Variants in SUPT20H observed in about 807,000 individuals in gnomAD.
The protein encoded by SUPT20H is SPT20 homolog, SAGA complex component.
A neutral mutation model predicts 122.8 loss-of-function variants in SUPT20H; 82 were observed. The observed-to-expected ratio is 0.67, with a 90% confidence interval of 0.56 to 0.80. The LOEUF is 0.80. Among genes scored for constraint, SUPT20H ranks in the 30% least tolerant of loss-of-function variants. The probability of loss-of-function intolerance (pLI) is 0.00; values close to 1 mark genes in which losing one functional copy is unlikely to be tolerated. For synonymous variants in SUPT20H, 291 were observed against 313.0 expected, an observed-to-expected ratio of 0.93 and a Z score of 0.74; for missense variants, 831 against 921.6, an observed-to-expected ratio of 0.90 and a Z score of 1.27.
chr13:37,011,893 AACTATTGGCAAAC>A lies in SUPT20H; in HGVS notation c.2098+286_2098+298del, dbSNP rs552857899. Among the ~76,000 whole-genome samples, 10 of 152,312 alleles carry A rather than the reference AACTATTGGCAAAC, an allele frequency of 6.6e-5. No homozygotes were observed. In the South Asian group the frequency reaches 2.1e-3, roughly 32 times the overall value. ...AAACAAAAAAGTTATTAATTAAGAT[AACTATTGGCAAAC>A]ACTGAAAACAGCTCTGGTAACCTAG... On this transcript the variant is annotated intron_variant, in intron 24 of 25. Transcript: ENST00000350612.
rs979543077 is a variant in SUPT20H at position 37,027,880 on chromosome 13, T to A, written c.1151+268A>T. Reference sequence around the variant, plus strand: ...TAAAGTCCTAAGTGCCATAAACATATAAAGAAGGATATCACAGGAATAGCC... The same window carrying A: ...TAAAGTCCTAAGTGCCATAAACATAAAAAGAAGGATATCACAGGAATAGCC... On this transcript the variant is annotated intron_variant, in intron 14 of 25. Transcript: ENST00000350612. 3.3e-5 allele frequency among the ~76,000 whole-genome samples: 5 copies of A among 152,150 alleles called. No homozygotes were observed. In the South Asian group the frequency reaches 8.3e-4, roughly 25 times the overall value.
chr13:37,046,832 A>G (rs147390156), intron 5 of SUPT20H: 6 of 152,326 alleles, frequency 3.9e-5, no homozygotes, highest in African/African-American at 9.6e-5. Context: ...AGATTTACTT[A>G]TAAGTTTAAA....
chr13:37,024,401 C>T lies in SUPT20H; in HGVS notation c.1371G>A (p.Lys457=). The change falls in exon 18 of 26, where the codon AAG becomes AAA. Residue 457 remains lysine, a synonymous_variant. Coordinates refer to ENST00000350612, the MANE Select transcript of SUPT20H (RefSeq NM_001014286.3). Reference sequence around the variant, plus strand: ...TTGGTGGGGGTCGATGTTTTACACCCTTCCCCAATACCGAAGACTGAACTG... The same window carrying T: ...TTGGTGGGGGTCGATGTTTTACACCTTTCCCCAATACCGAAGACTGAACTG... ...TVSVQSSVLG[K]GVKHRPPPIK... 6.3e-7 allele frequency: 1 copy of T among 1,590,460 alleles called. No individual in the cohort carries two copies. Among genetic ancestry groups the T allele is most frequent in the Non-Finnish European group, 8.5e-7 (1 of 1,171,080 alleles).
chr13:37,015,616 A>G (rs565292508), intron 23 of SUPT20H, among the ~76,000 whole-genome samples: 2 of 152,328 alleles, frequency 1.3e-5, no homozygotes, highest in African/African-American at 4.8e-5. Context: ...CACTATGGAA[A>G]ACAGTATGAT....
intron 9 of SUPT20H, 33 bp downstream of exon 9, chr13:37,040,372 G>T: frequency 3.9e-6 from 6 of 1,523,452 alleles, no homozygotes; most frequent in East Asian, 2.3e-5. Flanking sequence ...CCTATATTTT[G>T]CCTGTTTGAG....
At chr13:37,020,464 G>A (rs2061321856) in intron 21 of SUPT20H, among the ~76,000 whole-genome samples, 1 of 152,110 alleles carries the variant, frequency 6.6e-6, no homozygotes, top group South Asian at 2.1e-4. Context: ...CTGAACTGAG[G>A]ATAAGGGGGA....
intron 6 of SUPT20H, 142 bp downstream of exon 6, chr13:37,045,105 T>A (rs1178535870): frequency 1.0e-6 from 1 of 1,004,482 alleles, no homozygotes; most frequent in African/African-American, 1.7e-5. Context: ...GGAAGAAAAC[T>A]GGGATCAAAA....
Position 37,018,383 on chromosome 13 carries a change from T to C in SUPT20H, c.1872+959A>G, listed in dbSNP as rs137957725. The stretch of plus-strand genomic sequence containing the variant: ...TTTGTGGGCTTGCCCATATTATAAG[T>C]ATATTGTTCTGCAATTAGTCTGTAA... On this transcript the variant is annotated intron_variant, in intron 22 of 25. Coordinates refer to ENST00000350612, the MANE Select transcript of SUPT20H (RefSeq NM_001014286.3). Among the ~76,000 whole-genome samples, 407 of 152,348 alleles carry C rather than the reference T, an allele frequency of 2.7e-3. 2 individuals are homozygous for C. The highest frequency in any genetic ancestry group is 5.0e-3 in the Admixed American group (77 of 15,298).
chr13:37,015,496 A>G (rs2139196743), intron 23 of SUPT20H, among the ~76,000 whole-genome samples: 1 of 152,144 alleles, frequency 6.6e-6, no homozygotes, highest in South Asian at 2.1e-4. Flanking sequence ...AAAAAAAAAA[A>G]AATTCCCTAA....
In SUPT20H at chr13:37,019,360, C is replaced by A; in HGVS notation, c.1854G>T (p.Arg618Ser). The change falls in exon 22 of 26, where the codon AGG becomes AGT. Residue 618 changes from arginine to serine, a missense_variant. Transcript: ENST00000350612. ...PFGLKNTSSL[R>S]PLNLLQLPGG... ...GGTTTACCTGGAGTAGATTTAAGGG[C>A]CTGAGACTTGAAGTATTTTTTAAAC... 1 of 1,602,624 alleles carries A rather than the reference C, an allele frequency of 6.2e-7. No individual in the cohort carries two copies. Among genetic ancestry groups the A allele is most frequent in the Non-Finnish European group, 8.5e-7 (1 of 1,175,542 alleles).
chr13:37,043,821 A>G (rs933751466), intron 7 of SUPT20H, among the ~76,000 whole-genome samples: 6 of 150,150 alleles, frequency 4.0e-5, no homozygotes, highest in Admixed American at 6.6e-5. Flanking sequence ...AGTGAGCTCA[A>G]ACTCCTGGGC....
At chr13:37,050,347 CAAAAAAAAAAA>C (rs61668901) in intron 2 of SUPT20H, among the ~76,000 whole-genome samples, 25 of 76,976 alleles carry the variant, frequency 3.2e-4, no homozygotes, top group African/African-American at 1.3e-3. Flanking sequence ...CTGTCACTAC[CAAAAAAAAAAA>C]AAAAAAAAAA....
intron 9 of SUPT20H, 136 bp from the exon 10 acceptor site, chr13:37,033,724 T>C: frequency 2.1e-6 from 2 of 963,474 alleles, no homozygotes; most frequent in Non-Finnish European, 2.9e-6. Flanking sequence ...CAAGTTCCAA[T>C]GTTAGTGTGC....
At position 37,024,076 on chromosome 13, in the gene SUPT20H, A is replaced by C; in HGVS notation, c.1550T>G (p.Met517Arg). ...KSSVDLNQVS[M>R]LSPAALSPAS... ...AGGTGATAGGGCAGCTGGAGAAAGC[A>C]TGCTAACTTGATTGAGATCCACAGA... Residue 517 changes from methionine (M) to arginine (R), a missense_variant, in exon 19 of 26, where the codon ATG (methionine) becomes AGG (arginine). Physicochemically the swap from Met to Arg is moderately conservative, Grantham distance 91 (BLOSUM62 -1). Coordinates refer to ENST00000350612, the MANE Select transcript of SUPT20H (RefSeq NM_001014286.3). 6.2e-7 allele frequency: 1 copy of C among 1,613,666 alleles called. No homozygotes were observed. The highest frequency in any genetic ancestry group is 1.1e-5 in the South Asian group (1 of 91,034).
At chr13:37,029,695 T>C (rs1032803367) in intron 13 of SUPT20H, 70 bp downstream of exon 13, 3 of 1,374,486 alleles carry the variant, frequency 2.2e-6, no homozygotes, top group East Asian at 2.4e-5. Flanking sequence ...TTGCACTTTA[T>C]GTTTAATAAA....
At chr13:37,037,479 C>T (rs2138428756) in intron 9 of SUPT20H, among the ~76,000 whole-genome samples, 1 of 152,308 alleles carries the variant, frequency 6.6e-6, no homozygotes, top group South Asian at 2.1e-4. Context: ...ATTTGTAGAG[C>T]ACGGAATGGT....
At chr13:37,033,386 T>C (rs1223493664) in intron 10 of SUPT20H, 63 bp downstream of exon 10, 2 of 1,577,916 alleles carry the variant, frequency 1.3e-6, no homozygotes, top group African/African-American at 2.7e-5. Flanking sequence ...GAAAAGATAC[T>C]ATAAATAGCA....
intron 23 of SUPT20H, chr13:37,012,547 G>C: frequency 3.8e-6 from 1 of 262,094 alleles, no homozygotes. Flanking sequence ...AACGCCTAAG[G>C]CTTTTATAAA....
At position 37,009,380 on chromosome 13, in the gene SUPT20H, A is replaced by G; in HGVS notation, c.*292T>C. The G allele has an allele frequency of 1.3e-6, 1 of 791,208 alleles. No individual in the cohort carries two copies. The highest frequency in any genetic ancestry group is 2.6e-5 in the Admixed American group (1 of 38,666). 49.0% of individuals were successfully genotyped at this position (791,208 alleles called of 1,614,324 possible). On this transcript the variant is annotated 3_prime_UTR_variant, in exon 26 of 26. Transcript: ENST00000350612. ...CACAAACGTTTTATACTAAATAAAT[A>G]TCAAACTACATTCTTCTGAAAGATG...
Sources: allele counts gnomAD v4.1 joint callset (sites outside exome capture counted in the v4.1 genomes callset), GRCh38; gene constraint gnomAD v4.1.1; transcripts MANE v1.5; gene names NCBI Gene and HGNC (gene_info 2026-07-23, HGNC 2026-07-21).